The following POT1 variants were observed in gnomAD, a reference collection of about 807,000 sequenced individuals.
POT1 encodes the protein protection of telomeres protein 1.
Under a neutral mutation model 78.5 loss-of-function variants are expected in POT1, and 47 were observed. The observed-to-expected ratio is 0.60, with a 90% confidence interval of 0.47 to 0.76. The LOEUF (loss-of-function observed/expected upper bound fraction) is 0.76, where lower values mean the gene tolerates loss of function less well. Ranked by LOEUF, POT1 falls within the 30% of genes least tolerant of loss-of-function variation. The pLI is 0.00. For synonymous variants in POT1, 259 were observed against 260.7 expected (o/e 0.99, Z 0.06); for missense variants, 646 against 749.9 (o/e 0.86, Z 1.62).
At chr7:124,862,308 G>C (rs547952679) in intron 8 of POT1, among the ~76,000 whole-genome samples, 2 of 152,292 alleles carry the variant, frequency 1.3e-5, no homozygotes, top group South Asian at 4.1e-4. Flanking sequence ...ATATGCCTCA[G>C]TGCATAGTAG....
chr7:124,850,512 G>A (rs1795277999), intron 11 of POT1, among the ~76,000 whole-genome samples: 1 of 152,154 alleles, frequency 6.6e-6, no homozygotes, highest in Non-Finnish European at 1.5e-5. Flanking sequence ...CGGATCATGA[G>A]GTCAGGAGAT....
chr7:124,847,387 A>C (rs986364938), intron 11 of POT1, among the ~76,000 whole-genome samples: 3 of 152,150 alleles, frequency 2.0e-5, no homozygotes, highest in Non-Finnish European at 2.9e-5. Context: ...CCAGCTACTC[A>C]GCAGGCTGAG....
At chr7:124,845,750 T>C (rs1391935814) in intron 12 of POT1, among the ~76,000 whole-genome samples, 1 of 152,136 alleles carries the variant, frequency 6.6e-6, no homozygotes, top group Non-Finnish European at 1.5e-5. Flanking sequence ...CCCTTTTATA[T>C]TTGTTATTTT....
intron 2 of POT1, among the ~76,000 whole-genome samples, chr7:124,924,385 G>A (rs1012312681): frequency 6.6e-6 from 1 of 151,814 alleles, no homozygotes; most frequent in Non-Finnish European, 1.5e-5. Context: ...AAGAGAAAAT[G>A]GATAAATTGC....
chr7:124,869,949 A>G lies in POT1; in HGVS notation c.255+962T>C, dbSNP rs531391915. ...CTATTATCCTCTTATTCTCAAGGAA[A>G]CAGCATTAATAGGTCATAAAAAGTG... On this transcript the variant is annotated intron_variant, in intron 7 of 18. Coordinates refer to ENST00000357628, the MANE Select transcript of POT1 (RefSeq NM_015450.3). 1.1e-3 allele frequency among the ~76,000 whole-genome samples: 163 copies of G among 152,298 alleles called. 1 individual carries two copies. Among genetic ancestry groups the G allele is most frequent in the African/African-American group, 3.7e-3 (155 of 41,560 alleles).
chr7:124,853,207 T>C (rs1795358534), intron 9 of POT1, 69 bp from the exon 10 acceptor site: 4 of 1,201,136 alleles, frequency 3.3e-6, no homozygotes, highest in Non-Finnish European at 4.6e-6. Context: ...TTTAAAACTT[T>C]AATAACCAAT....
chr7:124,920,723 A>G (rs1454364247), intron 2 of POT1, among the ~76,000 whole-genome samples: 3 of 152,160 alleles, frequency 2.0e-5, no homozygotes, highest in Non-Finnish European at 4.4e-5. Context: ...TGAAAAATAC[A>G]TAAAAGCTAT....
intron 6 of POT1, among the ~76,000 whole-genome samples, chr7:124,890,559 A>G (rs1243437844): frequency 6.6e-6 from 1 of 151,788 alleles, no homozygotes; most frequent in African/African-American, 2.4e-5. Flanking sequence ...GATATGAGAA[A>G]CTTCAGTATT....
intron 8 of POT1, among the ~76,000 whole-genome samples, chr7:124,860,872 C>G (rs1009369154): frequency 1.2e-4 from 19 of 152,048 alleles, no homozygotes; most frequent in Middle Eastern, 3.4e-3. Context: ...GTTTTCCGTT[C>G]TTGTGTTAGT....
At chr7:124,902,147 C>T (rs1389094468) in intron 3 of POT1, among the ~76,000 whole-genome samples, 7 of 152,026 alleles carry the variant, frequency 4.6e-5, no homozygotes, top group Non-Finnish European at 1.0e-4. Flanking sequence ...CAAGGCAGGC[C>T]AACATTCAAA....
chr7:124,920,722 C>T (rs1797129001), intron 2 of POT1, among the ~76,000 whole-genome samples: 2 of 151,948 alleles, frequency 1.3e-5, no homozygotes, highest in Admixed American at 1.3e-4. Context: ...ATGAAAAATA[C>T]ATAAAAGCTA....
chr7:124,843,537 ATAAG>A, intron 12 of POT1, among the ~76,000 whole-genome samples: 1 of 152,068 alleles, frequency 6.6e-6, no homozygotes, highest in East Asian at 1.9e-4. Context: ...GAGAGGAAAA[ATAAG>A]AGGAAGTTGA....
chr7:124,847,572 G>A (rs1296964777), intron 11 of POT1, among the ~76,000 whole-genome samples: 1 of 152,196 alleles, frequency 6.6e-6, no homozygotes, highest in Non-Finnish European at 1.5e-5. Flanking sequence ...ATGTGGAAGT[G>A]CAGAAAATCT....
intron 6 of POT1, 124 bp from the exon 7 acceptor site, chr7:124,871,165 T>A: frequency 2.7e-6 from 2 of 734,682 alleles, no homozygotes; most frequent in Non-Finnish European, 3.9e-6. Context: ...CTAAGAGGAT[T>A]AAAACAGAGA....
At chr7:124,928,393 C>T (rs1442553068) in intron 2 of POT1, among the ~76,000 whole-genome samples, 1 of 152,160 alleles carries the variant, frequency 6.6e-6, no homozygotes, top group Admixed American at 6.6e-5. Context: ...CTGCTTTTTA[C>T]CTCAAAGGAA....
chr7:124,904,441 G>A lies in POT1; in HGVS notation c.-153-6067C>T, dbSNP rs1218381519. On this transcript the variant is annotated intron_variant, in intron 3 of 18. Coordinates refer to ENST00000357628, the MANE Select transcript of POT1 (RefSeq NM_015450.3). The stretch of plus-strand genomic sequence containing the variant: ...GCAGAAAAGGCCTTCAACAAAATTC[G>A]ACAGCCCTTCATGCTAAAAACTCTC... Among the ~76,000 whole-genome samples, 5 of 152,014 alleles carry A rather than the reference G, an allele frequency of 3.3e-5. No homozygotes were observed. In the East Asian group the frequency reaches 7.7e-4, roughly 23 times the overall value.
chr7:124,841,928 T>G (rs555899341), intron 13 of POT1, among the ~76,000 whole-genome samples: 1 of 151,978 alleles, frequency 6.6e-6, no homozygotes, highest in African/African-American at 2.4e-5. Context: ...CAAGCTCAAA[T>G]GGGTAAAAAC....
intron 5 of POT1, among the ~76,000 whole-genome samples, chr7:124,896,690 T>C (rs749828023): frequency 6.6e-6 from 1 of 151,768 alleles, no homozygotes; most frequent in Non-Finnish European, 1.5e-5. Context: ...AAGCTATAGC[T>C]ATATCTATGC....
intron 5 of POT1, among the ~76,000 whole-genome samples, chr7:124,895,969 T>C (rs980380398): frequency 6.6e-6 from 1 of 151,642 alleles, no homozygotes; most frequent in Non-Finnish European, 1.5e-5. Context: ...TTACCCTGAG[T>C]CACTTGAAAA....
Sources: gnomAD v4.1 joint callset for allele counts (sites outside exome capture counted in the v4.1 genomes callset) on GRCh38, gnomAD v4.1.1 for gene constraint, MANE v1.5 for transcripts, NCBI Gene and HGNC (gene_info 2026-07-23, HGNC 2026-07-21) for gene names.